Variants in SLCO6A1 observed in about 807,000 individuals in gnomAD.
The protein encoded by SLCO6A1 is solute carrier organic anion transporter family member 6A1.
Under a neutral mutation model 72.7 loss-of-function variants are expected in SLCO6A1, and 65 were observed. The ratio of observed to expected loss-of-function variants is 0.89; its 90% CI spans 0.73 to 1.10. The LOEUF (loss-of-function observed/expected upper bound fraction) is 1.10. Ranked by LOEUF, SLCO6A1 falls within the 50% of genes least tolerant of loss-of-function variation. SLCO6A1 has a pLI of 0.00. For missense variants in SLCO6A1, 874 were observed against 872.6 expected (o/e 1.00, Z -0.02); for synonymous variants, 314 against 298.2 (o/e 1.05, Z -0.55).
At chr5:102,481,568 G>A (rs1752196049) in intron 1 of SLCO6A1, among the ~76,000 whole-genome samples, 1 of 152,192 alleles carries the variant, frequency 6.6e-6, no homozygotes, top group South Asian at 2.1e-4. Context: ...GCAAATAGGA[G>A]TGAGTAATGG....
intron 1 of SLCO6A1, among the ~76,000 whole-genome samples, chr5:102,495,773 GAGA>G (rs904635569): frequency 6.6e-6 from 1 of 152,010 alleles, no homozygotes. Context: ...GAGGGAAAGG[GAGA>G]AGAAGAGAGG....
chr5:102,423,433 A>G (rs1222071692), intron 7 of SLCO6A1, among the ~76,000 whole-genome samples: 1 of 152,186 alleles, frequency 6.6e-6, no homozygotes, highest in African/African-American at 2.4e-5. Flanking sequence ...AGGAATATTT[A>G]CCAAGCAAAT....
At chr5:102,422,411 A>C (rs935906282) in intron 7 of SLCO6A1, among the ~76,000 whole-genome samples, 3 of 152,226 alleles carry the variant, frequency 2.0e-5, no homozygotes, top group Non-Finnish European at 4.4e-5. Flanking sequence ...TAGAATAACC[A>C]GTTTAGAAAA....
intron 4 of SLCO6A1, among the ~76,000 whole-genome samples, chr5:102,471,404 C>T (rs182457870): frequency 4.6e-5 from 7 of 152,142 alleles, no homozygotes; most frequent in East Asian, 3.9e-4. Flanking sequence ...AACTGCTAGA[C>T]GGGTTTCCTG....
In SLCO6A1 at chr5:102,498,731, G is replaced by A. The variant is rs778454969; in HGVS notation, c.114C>T (p.Thr38=). Reference sequence around the variant, plus strand: ...TTTTCCCGGGCTTCGAGGACTTCGGGGTTCCCTTGGCCCTCCTGTCCTTAG... The same window carrying A: ...TTTTCCCGGGCTTCGAGGACTTCGGAGTTCCCTTGGCCCTCCTGTCCTTAG... ...QPAKDRRAKG[T]PKSSKPGKKH... is the part of the protein sequence containing the mutation. Residue 38 remains threonine (T), a synonymous_variant, in exon 1 of 14, where the codon ACC becomes ACT. Coordinates refer to ENST00000506729, the MANE Select transcript of SLCO6A1 (RefSeq NM_173488.5). 5.6e-6 allele frequency: 9 copies of A among 1,614,152 alleles called. No homozygotes were observed. Among genetic ancestry groups the A allele is most frequent in the Non-Finnish European group, 7.6e-6 (9 of 1,180,030 alleles).
chr5:102,497,901 T>C (rs1050697674), intron 1 of SLCO6A1, among the ~76,000 whole-genome samples: 8 of 152,234 alleles, frequency 5.3e-5, no homozygotes, highest in African/African-American at 1.7e-4. Flanking sequence ...CCTCCGCAAA[T>C]TGCTCCTGGG....
At chr5:102,421,306 G>A (rs1226748566) in intron 7 of SLCO6A1, among the ~76,000 whole-genome samples, 1 of 152,102 alleles carries the variant, frequency 6.6e-6, no homozygotes, top group Non-Finnish European at 1.5e-5. Flanking sequence ...GCCGAAGCCA[G>A]GGAGCCAAGT....
At chr5:102,461,791 A>G (rs1176735918) in intron 4 of SLCO6A1, among the ~76,000 whole-genome samples, 1 of 152,214 alleles carries the variant, frequency 6.6e-6, no homozygotes, top group Non-Finnish European at 1.5e-5. Flanking sequence ...ATAAACATAC[A>G]AACACATTTA....
chr5:102,437,856 T>C (rs896468932), intron 7 of SLCO6A1, among the ~76,000 whole-genome samples: 2 of 152,162 alleles, frequency 1.3e-5, no homozygotes, highest in African/African-American at 4.8e-5. Flanking sequence ...GGATGCATCC[T>C]TGACCTTTTA....
At chr5:102,418,984 A>T (rs553555174) in intron 8 of SLCO6A1, among the ~76,000 whole-genome samples, 1 of 151,924 alleles carries the variant, frequency 6.6e-6, no homozygotes, top group African/African-American at 2.4e-5. Flanking sequence ...TTTTCTCTTT[A>T]GACTCATATG....
At chr5:102,439,570 C>T (rs1435918473) in intron 6 of SLCO6A1, among the ~76,000 whole-genome samples, 1 of 152,090 alleles carries the variant, frequency 6.6e-6, no homozygotes, top group Non-Finnish European at 1.5e-5. Context: ...TCTGATTTTA[C>T]ATAGTGTGAT....
At chr5:102,389,440 A>ACCC (rs1405717636) in intron 11 of SLCO6A1, among the ~76,000 whole-genome samples, 92 of 52,754 alleles carry the variant, frequency 1.7e-3, no homozygotes, top group South Asian at 4.1e-3. Context: ...ACAGTCACAC[A>ACCC]CCCCGCCCCC....
chr5:102,481,324 A>T (rs764093913), intron 1 of SLCO6A1, among the ~76,000 whole-genome samples: 1 of 152,262 alleles, frequency 6.6e-6, no homozygotes. Flanking sequence ...GCCAGAGCCC[A>T]TGGGCTCTAT....
intron 8 of SLCO6A1, among the ~76,000 whole-genome samples, chr5:102,419,007 C>A (rs1421854442): frequency 6.6e-6 from 1 of 151,908 alleles, no homozygotes; most frequent in Non-Finnish European, 1.5e-5. Context: ...TATTAAAATT[C>A]TTGTAATCTT....
chr5:102,402,555 A>G (rs1471298077), intron 9 of SLCO6A1, among the ~76,000 whole-genome samples: 1 of 152,172 alleles, frequency 6.6e-6, no homozygotes, highest in East Asian at 1.9e-4. Flanking sequence ...GAAGGCTGGC[A>G]AGTCTAATAT....
intron 1 of SLCO6A1, among the ~76,000 whole-genome samples, chr5:102,482,246 G>T (rs1752232885): frequency 6.6e-6 from 1 of 152,098 alleles, no homozygotes; most frequent in African/African-American, 2.4e-5. Flanking sequence ...AGGAGAGAAA[G>T]AGAGAAAATA....
intron 1 of SLCO6A1, among the ~76,000 whole-genome samples, chr5:102,481,336 G>C (rs149244604): frequency 6.6e-6 from 1 of 152,136 alleles, no homozygotes; most frequent in African/African-American, 2.4e-5. Context: ...GGGCTCTATA[G>C]TGCTGATAGC....
chr5:102,442,374 T>G (rs907901847), intron 6 of SLCO6A1, among the ~76,000 whole-genome samples: 5 of 152,234 alleles, frequency 3.3e-5, no homozygotes, highest in Admixed American at 3.3e-4. Flanking sequence ...TTTAAATTAC[T>G]GGTTCACTAT....
intron 4 of SLCO6A1, among the ~76,000 whole-genome samples, chr5:102,470,473 G>A (rs1751549790): frequency 6.6e-6 from 1 of 152,112 alleles, no homozygotes; most frequent in South Asian, 2.1e-4. Context: ...TTCTCTGATG[G>A]TAGTTTGTAT....
Sources: gnomAD v4.1 joint callset for allele counts (sites outside exome capture counted in the v4.1 genomes callset) on GRCh38, gnomAD v4.1.1 for gene constraint, MANE v1.5 for transcripts, NCBI Gene and HGNC (gene_info 2026-07-23, HGNC 2026-07-21) for gene names.